The following ACTR3C variants were observed in gnomAD, a reference collection of about 807,000 sequenced individuals.
ACTR3C encodes the protein actin related protein 3C, also known as actin-related protein 3C.
In ACTR3C, 18 loss-of-function variants were observed where a neutral mutation model predicts 26.3. That is an observed-to-expected ratio of 0.68 (90% CI 0.47 to 1.01). The LOEUF is 1.01. Ranked by LOEUF, ACTR3C falls within the 50% of genes least tolerant of loss-of-function variation. ACTR3C has a pLI of 0.00. For synonymous variants in ACTR3C, 55 were observed against 94.5 expected (o/e 0.58, Z 2.42); for missense variants, 184 against 250.7 (o/e 0.73, Z 1.80).
chr7:149,993,878 C>T, the ACTR3C span, among the ~76,000 whole-genome samples: 5 of 152,308 alleles, frequency 3.3e-5, no homozygotes, highest in African/African-American at 1.2e-4. Context: ...TCTCAAAATC[C>T]GATCGCATGT....
the ACTR3C span, among the ~76,000 whole-genome samples, chr7:150,006,396 A>G: frequency 6.8e-6 from 1 of 147,262 alleles, no homozygotes; most frequent in Non-Finnish European, 1.5e-5. Flanking sequence ...ACGGGGTTTC[A>G]CTGTGTTAGC....
the ACTR3C span, among the ~76,000 whole-genome samples, chr7:150,209,763 A>ACACACACAC: frequency 2.0e-5 from 3 of 148,894 alleles, no homozygotes; most frequent in African/African-American, 7.5e-5. Flanking sequence ...ACACACACAC[A>ACACACACAC]AAATTAGCTG....
At chr7:150,036,912 T>TC in the ACTR3C span, among the ~76,000 whole-genome samples, 2 of 101,550 alleles carry the variant, frequency 2.0e-5, 1 homozygote, top group Non-Finnish European at 4.4e-5. Context: ...GGGGAGTGCC[T>TC]CCCCCCTCTG....
chr7:150,121,944 T>A, the ACTR3C span, among the ~76,000 whole-genome samples: 3 of 152,054 alleles, frequency 2.0e-5, no homozygotes, highest in African/African-American at 7.2e-5. Flanking sequence ...AACCATCTGA[T>A]CTTTGACAAA....
chr7:150,107,388 G>A, the ACTR3C span, among the ~76,000 whole-genome samples: 1 of 151,878 alleles, frequency 6.6e-6, no homozygotes, highest in Non-Finnish European at 1.5e-5. Flanking sequence ...GTAAGAAGAT[G>A]GGATCAATCT....
At chr7:150,152,117 T>G in the ACTR3C span, among the ~76,000 whole-genome samples, 1 of 152,044 alleles carries the variant, frequency 6.6e-6, no homozygotes, top group African/African-American at 2.4e-5. Context: ...TTTTCCTAAT[T>G]GAATACCCTT....
chr7:150,217,051 G>A, the ACTR3C span, among the ~76,000 whole-genome samples: 2 of 147,510 alleles, frequency 1.4e-5, no homozygotes, highest in East Asian at 1.9e-4. Flanking sequence ...TAATAAAAAG[G>A]GTTTTAAAGT....
the ACTR3C span, among the ~76,000 whole-genome samples, chr7:149,959,362 CCT>C: frequency 6.6e-6 from 1 of 152,140 alleles, no homozygotes; most frequent in African/African-American, 2.4e-5. Context: ...TCACTGTAAC[CCT>C]GTCTTCACAG....
intron 1 of ACTR3C, among the ~76,000 whole-genome samples, chr7:150,316,887 C>T (rs951530453): frequency 6.6e-6 from 1 of 152,278 alleles, no homozygotes; most frequent in Admixed American, 6.5e-5. Flanking sequence ...ATTTAGTCCT[C>T]CTGCCCCTGA....
chr7:150,039,703 G>C, the ACTR3C span, among the ~76,000 whole-genome samples: 1 of 146,536 alleles, frequency 6.8e-6, no homozygotes, highest in African/African-American at 2.5e-5. Flanking sequence ...AGCCGGGGGG[G>C]AAGAGGGTCT....
the ACTR3C span, among the ~76,000 whole-genome samples, chr7:149,936,572 G>T: frequency 6.6e-6 from 1 of 152,198 alleles, no homozygotes; most frequent in Non-Finnish European, 1.5e-5. Flanking sequence ...ATAAAACACT[G>T]TACTGAATGG....
At chr7:150,041,971 T>C in the ACTR3C span, among the ~76,000 whole-genome samples, 33 of 146,738 alleles carry the variant, frequency 2.2e-4, no homozygotes, top group Admixed American at 1.7e-3. Flanking sequence ...GTCGGAAGAT[T>C]TGAACTTTCT....
the ACTR3C span, among the ~76,000 whole-genome samples, chr7:149,977,960 A>C: frequency 6.6e-6 from 1 of 151,256 alleles, no homozygotes; most frequent in East Asian, 1.9e-4. Flanking sequence ...TGTATGTATC[A>C]ATGGATGTGT....
the ACTR3C span, among the ~76,000 whole-genome samples, chr7:149,902,410 T>C: frequency 2.5e-5 from 3 of 120,938 alleles, no homozygotes; most frequent in Non-Finnish European, 5.2e-5. Context: ...GCAATTACAG[T>C]TCAGCATGTA....
At chr7:150,034,875 C>T in the ACTR3C span, among the ~76,000 whole-genome samples, 11 of 147,614 alleles carry the variant, frequency 7.5e-5, no homozygotes, top group Non-Finnish European at 1.1e-4. Flanking sequence ...CAGGGGCTGG[C>T]TCTCAGTCCC....
the ACTR3C span, among the ~76,000 whole-genome samples, chr7:150,197,026 C>T: frequency 6.6e-6 from 1 of 152,214 alleles, no homozygotes; most frequent in African/African-American, 2.4e-5. Flanking sequence ...GTATTCATCT[C>T]GGCCTGAGGG....
At chr7:150,051,325 A>G in the ACTR3C span, among the ~76,000 whole-genome samples, 6 of 149,714 alleles carry the variant, frequency 4.0e-5, no homozygotes, top group East Asian at 1.2e-3. Context: ...TATGTTTATG[A>G]TGTATAATTA....
At chr7:150,037,318 C>T in the ACTR3C span, among the ~76,000 whole-genome samples, 1 of 24,850 alleles carries the variant, frequency 4.0e-5, no homozygotes, top group African/African-American at 1.3e-4. Context: ...ATCAACGATG[C>T]GGGGTCCTAA....
chr7:150,277,770 C>T (rs1834999198), intron 6 of ACTR3C, among the ~76,000 whole-genome samples: 1 of 152,164 alleles, frequency 6.6e-6, no homozygotes, highest in Non-Finnish European at 1.5e-5. Context: ...GAGCCACCTA[C>T]AGCCACTTCC....
Sources: gnomAD v4.1 joint callset for allele counts (sites outside exome capture counted in the v4.1 genomes callset) on GRCh38, gnomAD v4.1.1 for gene constraint, MANE v1.5 for transcripts, NCBI Gene and HGNC (gene_info 2026-07-23, HGNC 2026-07-21) for gene names.